PRKDC: variants seen among roughly 807,000 people sequenced by gnomAD.
PRKDC encodes the protein DNA-dependent protein kinase catalytic subunit.
A neutral mutation model predicts 486.9 loss-of-function variants in PRKDC; 82 were observed. The observed-to-expected ratio is 0.17, with a 90% CI of 0.14 to 0.20. PRKDC has a LOEUF of 0.20. Among genes scored for constraint, PRKDC ranks in the 10% least tolerant of loss-of-function variants. PRKDC has a pLI of 1.00. For missense variants in PRKDC, 4,504 were observed against 5,038.2 expected, an observed-to-expected ratio of 0.89 and a Z score of 3.21; for synonymous variants, 1,895 against 1,837.0, an observed-to-expected ratio of 1.03 and a Z score of -0.81.
Position 47,936,381 on chromosome 8 carries a change from A to G in PRKDC, c.1250T>C (p.Val417Ala), listed in dbSNP as rs777370558. The change falls in exon 12 of 86, where the codon GTT becomes GCT. Residue 417 changes from valine (V) to alanine (A), a missense_variant. Transcript: ENST00000314191. Reference sequence around the variant, plus strand: ...GTCAAGGTACAGCAAGACGCTTGCAACAGACTGGAGGAAGCTTGGCATCTG... The same window carrying G: ...GTCAAGGTACAGCAAGACGCTTGCAGCAGACTGGAGGAAGCTTGGCATCTG... ...VYQMPSFLQS[V>A]ASVLLYLDTV... 1 of 1,613,668 alleles carries G rather than the reference A, an allele frequency of 6.2e-7. No homozygotes were observed. Among genetic ancestry groups the G allele is most frequent in the Non-Finnish European group, 8.5e-7 (1 of 1,179,656 alleles).
At chr8:47,817,901 A>C (rs1214774013) in intron 67 of PRKDC, among the ~76,000 whole-genome samples, 1 of 152,346 alleles carries the variant, frequency 6.6e-6, no homozygotes, top group African/African-American at 2.4e-5. Context: ...TTGGCAAAAA[A>C]AATCTGATCT....
Position 47,944,005 on chromosome 8 carries a change from A to G in PRKDC, c.746T>C (p.Phe249Ser). 1 of 1,564,806 alleles carries G rather than the reference A, an allele frequency of 6.4e-7. No homozygotes were observed. ...EEDPQTSREI[F>S]NFVLKAIRPQ... ...ACGAATTGCCTTTAGTACAAAATTAAAAATCTCCCTTGAAGTCTGGGGATC... is the reference window on the plus strand; with the variant it reads ...ACGAATTGCCTTTAGTACAAAATTAGAAATCTCCCTTGAAGTCTGGGGATC... Residue 249 changes from phenylalanine to serine, a missense_variant, in exon 8 of 86, where the codon TTT becomes TCT. Transcript: ENST00000314191.
At chr8:47,943,388 T>C (rs2154504135) in intron 9 of PRKDC, 22 bp from the exon 10 acceptor site, 2 of 1,583,144 alleles carry the variant, frequency 1.3e-6, no homozygotes, top group South Asian at 2.3e-5. Context: ...AATGCCATTA[T>C]ATTTAAAATC....
At chr8:47,940,852 C>T (rs1192604862) in intron 10 of PRKDC, among the ~76,000 whole-genome samples, 3 of 152,134 alleles carry the variant, frequency 2.0e-5, no homozygotes, top group Non-Finnish European at 4.4e-5. Context: ...AAATTAATCA[C>T]ACAGATGTTG....
In PRKDC at chr8:47,912,399, A is replaced by G; in HGVS notation, c.2934+11T>C. 6.6e-7 allele frequency: 1 copy of G among 1,508,410 alleles called. No homozygotes were observed. The highest frequency in any genetic ancestry group is 2.4e-5 in the East Asian group (1 of 41,182). 93.4% of individuals were successfully genotyped at this position (1,508,410 alleles called of 1,614,324 possible). ...GAAATTTTACAACTATTTCAGATTC[A>G]AAGCCCTTACCTGATCAACATCACA... On this transcript the variant is annotated intron_variant, in intron 25 of 85. Transcript: ENST00000314191.
In PRKDC at chr8:47,865,318, A is replaced by G. The variant is rs374516421; in HGVS notation, c.5364-555T>C. On this transcript the variant is annotated intron_variant, in intron 40 of 85. Transcript: ENST00000314191. ...GGAGAAACACTTGAACATGGGAGGC[A>G]GAGGGTGCAGTGAGCCGTCGCACCA... is the stretch of plus-strand genomic sequence containing the variant. 6.8e-3 allele frequency among the ~76,000 whole-genome samples: 1,038 copies of G among 152,050 alleles called. 9 individuals are homozygous for G. The highest frequency in any genetic ancestry group is 0.025 in the South Asian group (118 of 4,812).
chr8:47,955,593 G>GT (rs1317282809), intron 4 of PRKDC, among the ~76,000 whole-genome samples: 1 of 151,744 alleles, frequency 6.6e-6, no homozygotes, highest in Non-Finnish European at 1.5e-5. Flanking sequence ...GCCAAAGCCA[G>GT]TAAGGGTGAT....
intron 50 of PRKDC, 127 bp from the exon 51 acceptor site, chr8:47,854,341 C>T (rs550664534): frequency 1.8e-5 from 19 of 1,082,004 alleles, no homozygotes; most frequent in South Asian, 9.1e-5. Flanking sequence ...AGTGCAGTGG[C>T]GTGACTGAGA....
At chr8:47,956,326 C>T (rs181487594) in intron 3 of PRKDC, among the ~76,000 whole-genome samples, 2 of 152,266 alleles carry the variant, frequency 1.3e-5, no homozygotes, top group South Asian at 2.1e-4. Flanking sequence ...TGTGCCACTG[C>T]ACTCCAGCCT....
In PRKDC at chr8:47,840,063, A is replaced by G. The variant is rs2088107377; in HGVS notation, c.7407T>C (p.Cys2469=). ...VEFVSHPSTT[C]REQMYNILMW... is the part of the protein sequence containing the mutation. ...TGAGAATATTATACATTTGTTCCCT[A>G]CATGTTGTAGAAGGATGGGAAACGA... The change falls in exon 55 of 86, where the codon TGT becomes TGC. Residue 2469 remains cysteine (C), a synonymous_variant. Coordinates refer to ENST00000314191, the MANE Select transcript of PRKDC (RefSeq NM_006904.7). 1.9e-6 allele frequency: 3 copies of G among 1,559,690 alleles called. No homozygotes were observed. Among genetic ancestry groups the G allele is most frequent in the Non-Finnish European group, 2.6e-6 (3 of 1,149,876 alleles).
At chr8:47,955,653 C>T (rs577740941) in intron 4 of PRKDC, among the ~76,000 whole-genome samples, 1 of 152,096 alleles carries the variant, frequency 6.6e-6, no homozygotes, top group Non-Finnish European at 1.5e-5. Context: ...TCATTCTCCT[C>T]ACAACTCAGA....
intron 32 of PRKDC, 150 bp from the exon 33 acceptor site, chr8:47,889,372 G>A (rs554624445): frequency 3.1e-6 from 2 of 644,642 alleles, no homozygotes; most frequent in East Asian, 2.7e-5. Flanking sequence ...AAACACTTGA[G>A]GTTTGTGGGC....
intron 44 of PRKDC, among the ~76,000 whole-genome samples, chr8:47,861,419 C>T (rs1366004860): frequency 6.6e-6 from 1 of 152,170 alleles, no homozygotes; most frequent in Non-Finnish European, 1.5e-5. Flanking sequence ...TGAACATATG[C>T]CTAGAAAACA....
At chr8:47,848,006 C>T (rs1007669690) in intron 54 of PRKDC, among the ~76,000 whole-genome samples, 1 of 151,918 alleles carries the variant, frequency 6.6e-6, no homozygotes, top group African/African-American at 2.4e-5. Flanking sequence ...GGCAAGGCTG[C>T]AGAGAAAAAG....
intron 25 of PRKDC, among the ~76,000 whole-genome samples, chr8:47,908,355 T>C (rs1474276511): frequency 6.6e-6 from 1 of 152,260 alleles, no homozygotes; most frequent in Non-Finnish European, 1.5e-5. Context: ...TTTTAAAATC[T>C]GATCTCTTCA....
chr8:47,826,641 T>C lies in PRKDC; in HGVS notation c.8783+15A>G, dbSNP rs772528404. On this transcript the variant is annotated intron_variant, in intron 63 of 85. Coordinates refer to ENST00000314191, the MANE Select transcript of PRKDC (RefSeq NM_006904.7). Reference sequence around the variant, plus strand: ...AATCCAGTGTGCTCCCAAGAGCACCTGACCTCACACTTACTTAGCAAGCTC... The same window carrying C: ...AATCCAGTGTGCTCCCAAGAGCACCCGACCTCACACTTACTTAGCAAGCTC... 3 of 1,598,174 alleles carry C rather than the reference T, an allele frequency of 1.9e-6. No homozygotes were observed. Among genetic ancestry groups the C allele is most frequent in the African/African-American group, 2.7e-5 (2 of 74,646 alleles).
intron 29 of PRKDC, 57 bp from the exon 30 acceptor site, chr8:47,897,351 C>G: frequency 6.8e-7 from 1 of 1,464,400 alleles, no homozygotes; most frequent in Non-Finnish European, 9.1e-7. Flanking sequence ...CATTCAGCTA[C>G]CAAGGCTCTA....
chr8:47,826,646 T>C lies in PRKDC; in HGVS notation c.8783+10A>G. 1 of 1,601,292 alleles carries C rather than the reference T, an allele frequency of 6.2e-7. No homozygotes were observed. Among genetic ancestry groups the C allele is most frequent in the Non-Finnish European group, 8.5e-7 (1 of 1,170,886 alleles). On this transcript the variant is annotated intron_variant, in intron 63 of 85. Coordinates refer to ENST00000314191, the MANE Select transcript of PRKDC (RefSeq NM_006904.7). ...AGTGTGCTCCCAAGAGCACCTGACC[T>C]CACACTTACTTAGCAAGCTCCACCC...
chr8:47,845,737 G>T (rs939563233), intron 54 of PRKDC, among the ~76,000 whole-genome samples: 1 of 149,450 alleles, frequency 6.7e-6, no homozygotes, highest in African/African-American at 2.5e-5. Context: ...TGGATTCACA[G>T]CTGAATTCTA....
Sources: allele counts gnomAD v4.1 joint callset (sites outside exome capture counted in the v4.1 genomes callset), GRCh38; gene constraint gnomAD v4.1.1; transcripts MANE v1.5; gene names NCBI Gene and HGNC (gene_info 2026-07-23, HGNC 2026-07-21).